Variants in CADPS observed in about 807,000 individuals in gnomAD.
The protein encoded by CADPS is calcium dependent secretion activator.
A neutral mutation model predicts 167.3 loss-of-function variants in CADPS; 57 were observed. The ratio of observed to expected loss-of-function variants is 0.34; its 90% CI spans 0.28 to 0.42. The LOEUF (loss-of-function observed/expected upper bound fraction) is 0.42, where lower values mean the gene tolerates loss of function less well. CADPS is among the 20% of genes least tolerant of loss of function. The pLI, the probability that CADPS is intolerant of heterozygous loss-of-function variation, is 1.00. For missense variants in CADPS, 1,414 were observed against 1,738.1 expected (o/e 0.81, Z 3.32); for synonymous variants, 676 against 635.3 (o/e 1.06, Z -0.96).
chr3:62,628,126 G>A (rs1275263161), intron 6 of CADPS, among the ~76,000 whole-genome samples: 3 of 152,144 alleles, frequency 2.0e-5, no homozygotes, highest in Non-Finnish European at 4.4e-5. Flanking sequence ...TGTGTGACTT[G>A]CTCCCGTAAG....
intron 24 of CADPS, among the ~76,000 whole-genome samples, chr3:62,467,685 T>C (rs780903694): frequency 6.6e-6 from 1 of 152,082 alleles, no homozygotes; most frequent in Non-Finnish European, 1.5e-5. Context: ...CCTGGACCAA[T>C]GAGAAGGGAG....
chr3:62,585,127 A>T, intron 8 of CADPS, 58 bp downstream of exon 8: 1 of 1,533,222 alleles, frequency 6.5e-7, no homozygotes, highest in Non-Finnish European at 9.0e-7. Context: ...TTTTGTTTTC[A>T]TTTTGAGAAA....
rs557664735 is a variant in CADPS at position 62,423,125 on chromosome 3, C to T, written c.3777+14979G>A. The stretch of plus-strand genomic sequence containing the variant: ...ATATGGTATGCAAGATTCCCTACTG[C>T]GCTGTAGTCTCTTTCAGCTGAGGAT... On this transcript the variant is annotated intron_variant, in intron 28 of 29. Transcript: ENST00000383710. Among the ~76,000 whole-genome samples the T allele has an allele frequency of 5.9e-5, 9 of 152,300 alleles. No individual in the cohort carries two copies. The South Asian group carries it at 1.0e-3, about 18-fold the overall frequency.
At chr3:62,639,704 G>A (rs887668963) in intron 6 of CADPS, among the ~76,000 whole-genome samples, 20 of 152,114 alleles carry the variant, frequency 1.3e-4, no homozygotes, top group African/African-American at 3.6e-4. Flanking sequence ...CTTAAACTCC[G>A]CCAATAGCTT....
chr3:62,553,610 G>A (rs1369079224), intron 10 of CADPS, among the ~76,000 whole-genome samples: 1 of 152,216 alleles, frequency 6.6e-6, no homozygotes, highest in African/African-American at 2.4e-5. Context: ...TAATTTTGGA[G>A]TGGGTAAGGG....
chr3:62,531,054 C>T (rs1266522319), intron 13 of CADPS, among the ~76,000 whole-genome samples: 1 of 152,144 alleles, frequency 6.6e-6, no homozygotes, highest in African/African-American at 2.4e-5. Context: ...ATAAACCTAA[C>T]TGTGAATCAA....
intron 13 of CADPS, among the ~76,000 whole-genome samples, chr3:62,520,526 AGT>A (rs1220469113): frequency 1.3e-5 from 2 of 152,246 alleles, no homozygotes; most frequent in Non-Finnish European, 2.9e-5. Flanking sequence ...ACTGAAAAGT[AGT>A]GTTGTCTCTT....
chr3:62,844,652 T>C (rs2077124297), intron 1 of CADPS, among the ~76,000 whole-genome samples: 1 of 152,186 alleles, frequency 6.6e-6, no homozygotes, highest in Non-Finnish European at 1.5e-5. Flanking sequence ...CTGTGAACTA[T>C]TTGAAGACCA....
chr3:62,785,110 A>G (rs2092293611), intron 1 of CADPS, among the ~76,000 whole-genome samples: 1 of 150,338 alleles, frequency 6.7e-6, no homozygotes, highest in Admixed American at 6.6e-5. Flanking sequence ...AAAGAGATTA[A>G]CCATGAAGTG....
At chr3:62,585,449 G>A (rs1353949175) in intron 7 of CADPS, 125 bp from the exon 8 acceptor site, 2 of 902,416 alleles carry the variant, frequency 2.2e-6, no homozygotes, top group Non-Finnish European at 3.3e-6. Flanking sequence ...GCCATACCTG[G>A]GGATAGAAAC....
chr3:62,576,659 T>A (rs937520619), intron 8 of CADPS, among the ~76,000 whole-genome samples: 59 of 148,970 alleles, frequency 4.0e-4, no homozygotes, highest in African/African-American at 1.2e-3. Context: ...GGCATGGTGG[T>A]ATGCATCTGT....
intron 28 of CADPS, among the ~76,000 whole-genome samples, chr3:62,419,439 A>G (rs2149390196): frequency 6.6e-6 from 1 of 152,254 alleles, no homozygotes; most frequent in Non-Finnish European, 1.5e-5. Context: ...TTTTGAGAAA[A>G]TGTATAGTTA....
chr3:62,867,541 G>A (rs142679968), intron 1 of CADPS, among the ~76,000 whole-genome samples: 25 of 152,178 alleles, frequency 1.6e-4, no homozygotes, highest in African/African-American at 6.0e-4. Flanking sequence ...GAGATGTATT[G>A]TAGCCTGGAC....
intron 9 of CADPS, among the ~76,000 whole-genome samples, chr3:62,567,368 G>C (rs1468432205): frequency 1.3e-5 from 2 of 151,750 alleles, no homozygotes; most frequent in Non-Finnish European, 2.9e-5. Flanking sequence ...CCAGACACTG[G>C]GCTAGGGACT....
At chr3:62,470,725 ATCTC>A (rs1321927969) in intron 24 of CADPS, 2 of 152,196 alleles carry the variant, frequency 1.3e-5, no homozygotes, top group Non-Finnish European at 2.9e-5. Context: ...GTCACGAAAG[ATCTC>A]TCTAAGATGG....
chr3:62,529,509 C>T (rs2073155393), intron 13 of CADPS, among the ~76,000 whole-genome samples: 1 of 152,212 alleles, frequency 6.6e-6, no homozygotes, highest in Non-Finnish European at 1.5e-5. Context: ...CAACATTCTG[C>T]ATGCACTTTC....
At chr3:62,741,654 C>T (rs1171638521) in intron 3 of CADPS, among the ~76,000 whole-genome samples, 1 of 152,098 alleles carries the variant, frequency 6.6e-6, no homozygotes, top group Non-Finnish European at 1.5e-5. Flanking sequence ...ATGACAAACC[C>T]ACAGCCAACA....
At chr3:62,589,175 G>T (rs1293553173) in intron 7 of CADPS, among the ~76,000 whole-genome samples, 1 of 152,148 alleles carries the variant, frequency 6.6e-6, no homozygotes, top group Non-Finnish European at 1.5e-5. Flanking sequence ...TCTAAACACA[G>T]GTCTGCTAAG....
At chr3:62,500,088 A>G (rs779729508) in intron 17 of CADPS, 2 of 152,166 alleles carry the variant, frequency 1.3e-5, no homozygotes, top group African/African-American at 4.8e-5. Context: ...AAAATTACAA[A>G]CTTTTTTCCT....
Sources: allele counts gnomAD v4.1 joint callset (sites outside exome capture counted in the v4.1 genomes callset), GRCh38; gene constraint gnomAD v4.1.1; transcripts MANE v1.5; gene names NCBI Gene and HGNC (gene_info 2026-07-23, HGNC 2026-07-21).